The following MAGED1 variants were observed in gnomAD, a reference collection of about 807,000 sequenced individuals.
The protein encoded by MAGED1 is melanoma-associated antigen D1.
A neutral mutation model predicts 54.1 loss-of-function variants in MAGED1; 3 were observed. That is an observed-to-expected ratio of 0.06 (90% CI 0.03 to 0.14). The LOEUF is 0.14. Among genes scored for constraint, MAGED1 ranks in the 10% least tolerant of loss-of-function variants. The probability of loss-of-function intolerance (pLI) is 1.00; values close to 1 mark genes in which losing one functional copy is unlikely to be tolerated. For synonymous variants in MAGED1, 217 were observed against 227.3 expected, an observed-to-expected ratio of 0.95 and a Z score of 0.41; for missense variants, 485 against 623.4, an observed-to-expected ratio of 0.78 and a Z score of 2.36.
chrX:51,840,248 T>C (rs1213864059), intron 1 of MAGED1, among the ~76,000 whole-genome samples: 2 of 110,886 alleles, frequency 1.8e-5, no homozygotes, highest in Non-Finnish European at 3.8e-5. Context: ...ATGTAATGAG[T>C]TTTGTTATTA....
intron 1 of MAGED1, among the ~76,000 whole-genome samples, chrX:51,803,627 C>CTTTTTTTTTT (rs1179676499): frequency 1.7e-5 from 1 of 60,467 alleles, no homozygotes; most frequent in Admixed American, 2.1e-4. Context: ...AAGGTCAAGG[C>CTTTTTTTTTT]TTTTTTTTTT....
rs1928780631 is a variant in MAGED1 at position 51,896,905 on chromosome X, C to T, written c.1250C>T (p.Pro417Leu). ...GACTGGCCACTGCCACCTGATTGGC[C>T]ACTTCCCACTGACTGGCCACTACCA... ...PPDWPLPPDW[P>L]LPTDWPLPPD... The change falls in exon 4 of 13, where the codon CCA becomes CTA. Residue 417 changes from proline to leucine, a missense_variant. Transcript: ENST00000326587. The T allele has an allele frequency of 8.3e-7, 1 of 1,207,265 alleles. No homozygotes were observed. Among genetic ancestry groups the T allele is most frequent in the Non-Finnish European group, 1.1e-6 (1 of 893,540 alleles).
rs1453534229 is a variant in MAGED1 at position 51,810,829 on chromosome X, A to G, written c.-37+7712A>G. ...CTGGAAGAAGTAGGGGGGAATCTTG[A>G]TATAGTCAAGGAAAGGCATATATGT... On this transcript the variant is annotated intron_variant, in intron 1 of 12. Transcript: ENST00000375772. Among the ~76,000 whole-genome samples, 4 of 111,769 alleles carry G rather than the reference A, an allele frequency of 3.6e-5. No individual in the cohort carries two copies. In the Admixed American group the frequency reaches 3.8e-4, roughly 11 times the overall value.
At chrX:51,856,575 G>A (rs1385510660) in intron 1 of MAGED1, among the ~76,000 whole-genome samples, 2 of 112,133 alleles carry the variant, frequency 1.8e-5, no homozygotes, top group African/African-American at 6.5e-5. Context: ...ATGTATGTGA[G>A]TCTATCATTT....
intron 1 of MAGED1, among the ~76,000 whole-genome samples, chrX:51,853,635 A>AGG (rs1473278080): frequency 8.9e-6 from 1 of 112,243 alleles, no homozygotes; most frequent in Admixed American, 9.4e-5. Flanking sequence ...TCACTGCTCT[A>AGG]TTTACCTCTA....
intron 1 of MAGED1, among the ~76,000 whole-genome samples, chrX:51,811,048 A>G (rs782656449): frequency 8.0e-5 from 9 of 112,250 alleles, no homozygotes; most frequent in African/African-American, 2.9e-4. Flanking sequence ...GGACCTGATC[A>G]TATTTTTTAG....
At chrX:51,845,933 G>A (rs1452539608) in intron 1 of MAGED1, among the ~76,000 whole-genome samples, 2 of 110,184 alleles carry the variant, frequency 1.8e-5, no homozygotes, top group African/African-American at 3.3e-5. Flanking sequence ...ATACCACCAC[G>A]CCCGGGTAAT....
intron 1 of MAGED1, among the ~76,000 whole-genome samples, chrX:51,812,775 T>C (rs1260391909): frequency 9.0e-6 from 1 of 110,989 alleles, no homozygotes; most frequent in East Asian, 2.8e-4. Flanking sequence ...CTCTGGGGTA[T>C]ATGCCTAGGA....
chrX:51,815,036 T>C (rs892134523), intron 1 of MAGED1, among the ~76,000 whole-genome samples: 11 of 106,138 alleles, frequency 1.0e-4, no homozygotes, highest in Admixed American at 6.1e-4. Flanking sequence ...CCAGGTACTC[T>C]GGAGGCTGAG....
At chrX:51,886,863 C>G (rs1033684307) in intron 1 of MAGED1, among the ~76,000 whole-genome samples, 3 of 110,367 alleles carry the variant, frequency 2.7e-5, no homozygotes, top group African/African-American at 9.9e-5. Flanking sequence ...CGAAACCAGC[C>G]TAGGCAACAT....
chrX:51,901,568 C>T lies in MAGED1; in HGVS notation c.1975C>T (p.Pro659Ser). The T allele has an allele frequency of 1.7e-6, 2 of 1,149,648 alleles. No individual in the cohort carries two copies. The highest frequency in any genetic ancestry group is 2.3e-6 in the Non-Finnish European group (2 of 865,431). The allele number at this position is 1,149,648 out of a possible 1,213,427, so 94.7% of individuals were successfully genotyped here. A position where few individuals can be genotyped will look rare whatever the true frequency, so the allele number is the denominator to read the frequency against. Residue 659 changes from proline (P) to serine (S), a missense_variant, in exon 12 of 13, where the codon CCT becomes TCT. This residue lies in a region of MAGED1 where 186 missense variants were observed against 330.3 expected (regional missense o/e 0.56). Transcript: ENST00000326587. ...CTCATCTCAGGTTCAGAAAAGAGAC[C>T]CTCGTGACTGGACTGCACAGTTCAT... ...RFIAEVQKRDPRDWTAQFMEA... is the reference protein window; with the variant it reads ...RFIAEVQKRDSRDWTAQFMEA...
intron 1 of MAGED1, among the ~76,000 whole-genome samples, chrX:51,852,444 T>C (rs1926932054): frequency 8.9e-6 from 1 of 112,206 alleles, no homozygotes; most frequent in African/African-American, 3.2e-5. Flanking sequence ...CCAAGTAAAA[T>C]ACCTAATTAG....
intron 1 of MAGED1, among the ~76,000 whole-genome samples, chrX:51,877,716 T>A (rs1289761707): frequency 8.9e-6 from 1 of 112,008 alleles, no homozygotes; most frequent in African/African-American, 3.2e-5. Flanking sequence ...ATAGAAAATG[T>A]TATGCCAAGA....
intron 1 of MAGED1, among the ~76,000 whole-genome samples, chrX:51,881,568 A>T (rs1047450139): frequency 9.1e-6 from 1 of 109,706 alleles, no homozygotes; most frequent in Non-Finnish European, 1.9e-5. Flanking sequence ...GGCACTTGCC[A>T]CCATGACCAG....
chrX:51,804,896 C>G (rs1557354896), intron 1 of MAGED1, among the ~76,000 whole-genome samples: 3 of 111,586 alleles, frequency 2.7e-5, no homozygotes, highest in African/African-American at 9.8e-5. Context: ...ATGTCATAGT[C>G]TTTGCATTTG....
intron 1 of MAGED1, among the ~76,000 whole-genome samples, chrX:51,870,339 T>C (rs1927622328): frequency 8.9e-6 from 1 of 112,306 alleles, no homozygotes; most frequent in Admixed American, 9.4e-5. Context: ...GTTTGAAATA[T>C]ATTGCTCTAT....
chrX:51,861,058 G>A (rs1254825688), intron 1 of MAGED1, among the ~76,000 whole-genome samples: 1 of 110,725 alleles, frequency 9.0e-6, no homozygotes, highest in South Asian at 3.9e-4. Context: ...GAGCAATTTG[G>A]ACCCCACCCC....
chrX:51,847,832 G>A (rs1926741595), intron 1 of MAGED1, among the ~76,000 whole-genome samples: 1 of 111,957 alleles, frequency 8.9e-6, no homozygotes, highest in African/African-American at 3.2e-5. Context: ...ACCAAATATG[G>A]ACATTTACTT....
chrX:51,827,734 A>C (rs1925906697), intron 1 of MAGED1, among the ~76,000 whole-genome samples: 2 of 111,532 alleles, frequency 1.8e-5, no homozygotes, highest in Admixed American at 1.9e-4. Context: ...TTTAAAAGTC[A>C]ACTGAAAAAA....
Sources: allele counts gnomAD v4.1 joint callset (sites outside exome capture counted in the v4.1 genomes callset), GRCh38; gene constraint gnomAD v4.1.1; regional missense constraint gnomAD v4.1.1; transcripts MANE v1.5; gene names NCBI Gene and HGNC (gene_info 2026-07-23, HGNC 2026-07-21).